SPAG7: variants seen among roughly 807,000 people sequenced by gnomAD.
The protein encoded by SPAG7 is sperm associated antigen 7.
SPAG7 carries 20 observed loss-of-function variants against 30.6 expected under a neutral mutation model. The ratio of observed to expected loss-of-function variants is 0.65; its 90% CI spans 0.46 to 0.95. The LOEUF (loss-of-function observed/expected upper bound fraction) is 0.95, where lower values mean the gene tolerates loss of function less well. SPAG7 is among the 40% of genes least tolerant of loss of function. SPAG7 has a pLI of 0.00. For missense variants in SPAG7, 276 were observed against 291.1 expected, an observed-to-expected ratio of 0.95 and a Z score of 0.38; for synonymous variants, 127 against 104.2, an observed-to-expected ratio of 1.22 and a Z score of -1.33.
At position 4,959,526 on chromosome 17, in the gene SPAG7, C is replaced by A. The variant is rs755755865; in HGVS notation, c.*8G>T. On this transcript the variant is annotated 3_prime_UTR_variant, in exon 7 of 7. Transcript: ENST00000206020. ...GCCCCAGGGGTCAAAGGGAGCTGGG[C>A]GGGGCGCCTAGGAGGTTGGCGGCAA... 1.2e-6 allele frequency: 2 copies of A among 1,609,366 alleles called. No homozygotes were observed. Among genetic ancestry groups the A allele is most frequent in the South Asian group, 2.2e-5 (2 of 90,996 alleles).
chr17:4,962,688 C>T (rs1971882657), intron 1 of SPAG7, among the ~76,000 whole-genome samples: 1 of 152,018 alleles, frequency 6.6e-6, no homozygotes, highest in Admixed American at 6.6e-5. Context: ...CTCTGTCACC[C>T]AGGCTGGGTG....
chr17:4,964,386 G>C (rs1971913739), intron 1 of SPAG7, among the ~76,000 whole-genome samples: 1 of 140,916 alleles, frequency 7.1e-6, no homozygotes, highest in Non-Finnish European at 1.5e-5. Context: ...TTTTGAGACG[G>C]AGTCTCGCTC....
intron 1 of SPAG7, among the ~76,000 whole-genome samples, chr17:4,963,747 G>A (rs1326916625): frequency 1.3e-5 from 2 of 151,866 alleles, no homozygotes; most frequent in African/African-American, 4.8e-5. Context: ...TTGAGCCACC[G>A]TGCCCAGCTG....
chr17:4,962,158 G>A (rs906826988), intron 1 of SPAG7, among the ~76,000 whole-genome samples: 6 of 152,182 alleles, frequency 3.9e-5, no homozygotes, highest in Non-Finnish European at 8.8e-5. Flanking sequence ...CTGTCACCCA[G>A]GCTGGAGTGC....
At chr17:4,963,428 T>C (rs1192615477) in intron 1 of SPAG7, among the ~76,000 whole-genome samples, 1 of 150,442 alleles carries the variant, frequency 6.6e-6, no homozygotes, top group Non-Finnish European at 1.5e-5. Flanking sequence ...GAGTCTGTCA[T>C]CTCGTTTACA....
chr17:4,964,499 C>G (rs1192565038), intron 1 of SPAG7, among the ~76,000 whole-genome samples: 1 of 147,516 alleles, frequency 6.8e-6, no homozygotes, highest in East Asian at 2.1e-4. Flanking sequence ...GTAGCTGGGA[C>G]TACAGGCGCC....
Position 4,959,349 on chromosome 17 carries a change from A to G in SPAG7, c.*185T>C. The G allele has an allele frequency of 1.7e-6, 1 of 599,736 alleles. No individual in the cohort carries two copies. Among genetic ancestry groups the G allele is most frequent in the Non-Finnish European group, 3.0e-6 (1 of 335,508 alleles). The allele number at this position is 599,736 out of a possible 1,614,324, so 37.2% of individuals were successfully genotyped here. On this transcript the variant is annotated 3_prime_UTR_variant, in exon 7 of 7. Transcript: ENST00000206020. ...CATTCACACTCTCACACACACACAC[A>G]CATGCCACGCACATATCCAAGCTCC... is the stretch of plus-strand genomic sequence containing the variant.
At chr17:4,960,170 G>A (rs773731104) in intron 4 of SPAG7, 59 bp from the exon 5 acceptor site, 30 of 1,599,476 alleles carry the variant, frequency 1.9e-5, no homozygotes, top group Non-Finnish European at 2.4e-5. Context: ...TTCATTCCTT[G>A]GTCGGGGAGG....
intron 1 of SPAG7, among the ~76,000 whole-genome samples, chr17:4,962,791 G>A (rs1004472746): frequency 7.3e-5 from 11 of 151,578 alleles, no homozygotes; most frequent in Admixed American, 2.6e-4. Context: ...CTCGTGATCC[G>A]CCCGCCTCAG....
intron 1 of SPAG7, among the ~76,000 whole-genome samples, chr17:4,961,523 A>G (rs1971863253): frequency 6.6e-6 from 1 of 151,760 alleles, no homozygotes; most frequent in Non-Finnish European, 1.5e-5. Context: ...TGGGAGGCCA[A>G]GGTGGATGGA....
intron 1 of SPAG7, among the ~76,000 whole-genome samples, chr17:4,965,471 C>T (rs1251333258): frequency 6.6e-6 from 1 of 152,078 alleles, no homozygotes; most frequent in African/African-American, 2.4e-5. Context: ...GCTCCTTTGG[C>T]TGAGACACCC....
chr17:4,967,675 C>T (rs1336952298), intron 1 of SPAG7, 45 bp downstream of exon 1: 1 of 1,467,494 alleles, frequency 6.8e-7, no homozygotes, highest in Non-Finnish European at 9.5e-7. Flanking sequence ...AGTATGGTCC[C>T]GAGAACCGGG....
chr17:4,964,221 C>T (rs1971910033), intron 1 of SPAG7, among the ~76,000 whole-genome samples: 2 of 152,156 alleles, frequency 1.3e-5, no homozygotes, highest in African/African-American at 4.8e-5. Context: ...GAATTTCTAA[C>T]CCGGGCCCTC....
rs144558378 is a variant in SPAG7 at position 4,966,928 on chromosome 17, G to C, written c.85+792C>G. 4 of 985,532 alleles carry C rather than the reference G, an allele frequency of 4.1e-6. No homozygotes were observed. In the African/African-American group the frequency reaches 7.0e-5, roughly 17 times the overall value. 61.0% of individuals were successfully genotyped at this position (985,532 alleles called of 1,614,324 possible). ...GTCAAGGTCCGCAGGTTTGGGAGTT[G>C]GGGTCCTGCGTTCCGCCAGTATCAT... On this transcript the variant is annotated intron_variant, in intron 1 of 6. Coordinates refer to ENST00000206020, the MANE Select transcript of SPAG7 (RefSeq NM_004890.3).
chr17:4,963,451 ATT>A (rs35484038), intron 1 of SPAG7, among the ~76,000 whole-genome samples: 11,865 of 102,382 alleles, frequency 0.12, 275 homozygotes, highest in African/African-American at 0.18. Flanking sequence ...GGAAAGGGGA[ATT>A]TTTTTTTTTT....
In SPAG7 at chr17:4,960,317, G is replaced by A. The variant is rs955087418; in HGVS notation, c.244C>T (p.His82Tyr). The A allele has an allele frequency of 1.2e-6, 2 of 1,613,980 alleles. No homozygotes were observed. Among genetic ancestry groups the A allele is most frequent in the Non-Finnish European group, 1.7e-6 (2 of 1,179,806 alleles). Residue 82 changes from histidine to tyrosine, a missense_variant and splice_region_variant, in exon 4 of 7, where the codon CAT (histidine) becomes TAT (tyrosine). Physicochemically the swap from His to Tyr is moderately conservative, Grantham distance 83. Coordinates refer to ENST00000206020, the MANE Select transcript of SPAG7 (RefSeq NM_004890.3). ...AGGCCAGCCACTTCCACCACATCAT[G>A]TCTGGGATGGGATGGCAGAGGGGAA... ...PMNKIERSIL[H>Y]DVVEVAGLTS...
Position 4,960,338 on chromosome 17 carries a change from G to C in SPAG7, c.243-20C>G. On this transcript the variant is annotated intron_variant, in intron 3 of 6. Coordinates refer to ENST00000206020, the MANE Select transcript of SPAG7 (RefSeq NM_004890.3). The stretch of plus-strand genomic sequence containing the variant: ...TCATGTCTGGGATGGGATGGCAGAG[G>C]GGAAAGAGCATCTTGAGCCAGGAGC... The C allele has an allele frequency of 6.2e-7, 1 of 1,613,352 alleles. No homozygotes were observed. The highest frequency in any genetic ancestry group is 8.5e-7 in the Non-Finnish European group (1 of 1,179,254).
intron 1 of SPAG7, among the ~76,000 whole-genome samples, chr17:4,962,965 TCA>T (rs1971888719): frequency 6.6e-6 from 1 of 151,944 alleles, no homozygotes; most frequent in South Asian, 2.1e-4. Flanking sequence ...AGATGGGGTC[TCA>T]GTTTGTTGCC....
At chr17:4,961,633 T>G (rs566696799) in intron 1 of SPAG7, among the ~76,000 whole-genome samples, 1 of 147,688 alleles carries the variant, frequency 6.8e-6, no homozygotes, top group East Asian at 2.0e-4. Context: ...GGTGTGGTGG[T>G]GGGCGCCTGT....
Sources: gnomAD v4.1 joint callset for allele counts (sites outside exome capture counted in the v4.1 genomes callset) on GRCh38, gnomAD v4.1.1 for gene constraint, MANE v1.5 for transcripts, NCBI Gene and HGNC (gene_info 2026-07-23, HGNC 2026-07-21) for gene names.